The following SPINK5 variants were observed in gnomAD, a reference collection of about 807,000 sequenced individuals.
SPINK5 encodes the protein serine protease inhibitor Kazal-type 5.
Under a neutral mutation model 151.8 loss-of-function variants are expected in SPINK5, and 125 were observed. The observed-to-expected ratio is 0.82, with a 90% CI of 0.71 to 0.96. The LOEUF (loss-of-function observed/expected upper bound fraction) is 0.96, where lower values mean the gene tolerates loss of function less well. Ranked by LOEUF, SPINK5 falls within the 40% of genes least tolerant of loss-of-function variation. The pLI is 0.00. For synonymous variants in SPINK5, 374 were observed against 395.3 expected (o/e 0.95, Z 0.64); for missense variants, 1,194 against 1,291.9 (o/e 0.92, Z 1.16).
Position 148,091,164 on chromosome 5 carries a change from G to A in SPINK5, c.603-1G>A. On this transcript the variant is annotated splice_acceptor_variant, in intron 7 of 32. Coordinates refer to ENST00000256084, the MANE Select transcript of SPINK5 (RefSeq NM_006846.4). LOFTEE classifies it high-confidence loss of function. Reference sequence around the variant, plus strand: ...GACCAACTGTTTACTTTTCTTAACAGTTTAAAAGAAGCTGAAAATGCCAAG... The same window carrying A: ...GACCAACTGTTTACTTTTCTTAACAATTTAAAAGAAGCTGAAAATGCCAAG... 6.2e-7 allele frequency: 1 copy of A among 1,610,686 alleles called. No homozygotes were observed.
chr5:148,127,119 A>G (rs1458730034), intron 30 of SPINK5, 40 bp downstream of exon 30: 1 of 1,552,514 alleles, frequency 6.4e-7, no homozygotes, highest in Non-Finnish European at 8.8e-7. Flanking sequence ...TATCAATTTA[A>G]TTTTCTTGAT....
At chr5:148,128,343 T>C (rs1754486610) in intron 30 of SPINK5, among the ~76,000 whole-genome samples, 1 of 152,000 alleles carries the variant, frequency 6.6e-6, no homozygotes, top group South Asian at 2.1e-4. Flanking sequence ...AAATAAGATA[T>C]CATCAGCAGA....
chr5:148,123,990 ATAGT>A (rs1317189431), intron 27 of SPINK5, 30 bp downstream of exon 27: 1 of 1,612,902 alleles, frequency 6.2e-7, no homozygotes, highest in South Asian at 1.1e-5. Context: ...AATAAATTTG[ATAGT>A]TGTGCCTGTT....
chr5:148,131,528 T>C (rs763546636), intron 31 of SPINK5, 139 bp downstream of exon 31: 2 of 1,233,898 alleles, frequency 1.6e-6, no homozygotes, highest in African/African-American at 3.0e-5. Flanking sequence ...AATTCAAAAT[T>C]TGTGAATTAT....
chr5:148,081,528 T>C (rs1753019705), intron 4 of SPINK5, among the ~76,000 whole-genome samples: 1 of 151,680 alleles, frequency 6.6e-6, no homozygotes. Flanking sequence ...CAATTACATA[T>C]TTATAATTCC....
At chr5:148,077,531 A>G (rs899342728) in intron 4 of SPINK5, among the ~76,000 whole-genome samples, 2 of 150,822 alleles carry the variant, frequency 1.3e-5, no homozygotes, top group African/African-American at 2.4e-5. Context: ...ACCTACAGAC[A>G]GAAATGAAAA....
At chr5:148,112,767 G>A (rs1382426088) in intron 19 of SPINK5, 101 bp from the exon 20 acceptor site, 8 of 1,556,578 alleles carry the variant, frequency 5.1e-6, no homozygotes, top group Non-Finnish European at 6.1e-6. Flanking sequence ...GTTGGTGGAG[G>A]TATAGAAGTA....
In SPINK5 at chr5:148,114,467, T is replaced by C. The variant is rs777007426; in HGVS notation, c.1993T>C (p.Cys665Arg). The change falls in exon 21 of 33, where the codon TGT becomes CGT. Residue 665 changes from cysteine to arginine, a missense_variant. Physicochemically the swap from Cys to Arg is radical, Grantham distance 180. Coordinates refer to ENST00000256084, the MANE Select transcript of SPINK5 (RefSeq NM_006846.4). Reference sequence around the variant, plus strand: ...AGATGGCAAGACCCATGGCAACAAGTGTGCCATGTGTAAGGCAGTCTTGTG... The same window carrying C: ...AGATGGCAAGACCCATGGCAACAAGCGTGCCATGTGTAAGGCAGTCTTGTG... ...GPDGKTHGNK[C>R]AMCKAVFQKE... 1.2e-6 allele frequency: 2 copies of C among 1,613,592 alleles called. No homozygotes were observed. The highest frequency in any genetic ancestry group is 1.1e-5 in the South Asian group (1 of 91,052).
At chr5:148,115,851 C>T (rs6580522) in intron 21 of SPINK5, among the ~76,000 whole-genome samples, 69,051 of 148,718 alleles carry the variant, frequency 0.46, 16,778 homozygotes, top group Admixed American at 0.59. Context: ...TTATGGAGTC[C>T]CACTCTGTCG....
intron 11 of SPINK5, among the ~76,000 whole-genome samples, chr5:148,098,884 G>A (rs1753552460): frequency 6.6e-6 from 1 of 151,890 alleles, no homozygotes; most frequent in Non-Finnish European, 1.5e-5. Flanking sequence ...CTTTGTTAAG[G>A]CCACTTTCAG....
chr5:148,135,981 T>C (rs1754685521), intron 32 of SPINK5, among the ~76,000 whole-genome samples: 1 of 152,150 alleles, frequency 6.6e-6, no homozygotes, highest in Admixed American at 6.6e-5. Flanking sequence ...ACAATAGTCA[T>C]TTGATTAGGG....
At chr5:148,064,535 C>G (rs1387039715) in intron 1 of SPINK5, among the ~76,000 whole-genome samples, 2 of 152,018 alleles carry the variant, frequency 1.3e-5, no homozygotes, top group African/African-American at 4.8e-5. Flanking sequence ...TATTTTAAAG[C>G]AGTGGTATCT....
At chr5:148,082,448 T>G (rs1753044818) in intron 4 of SPINK5, among the ~76,000 whole-genome samples, 1 of 151,074 alleles carries the variant, frequency 6.6e-6, no homozygotes, top group Admixed American at 6.6e-5. Flanking sequence ...TATCTAATTT[T>G]CAAATATGTG....
At chr5:148,103,320 A>G (rs1753696787) in intron 15 of SPINK5, among the ~76,000 whole-genome samples, 1 of 152,234 alleles carries the variant, frequency 6.6e-6, no homozygotes, top group Non-Finnish European at 1.5e-5. Context: ...AGAACAGTTG[A>G]GAATGACGGA....
intron 32 of SPINK5, among the ~76,000 whole-genome samples, chr5:148,134,540 C>G (rs900801022): frequency 2.0e-5 from 3 of 152,110 alleles, no homozygotes; most frequent in Non-Finnish European, 4.4e-5. Flanking sequence ...CACATAAATA[C>G]TCTAAACCAA....
At chr5:148,128,560 G>A (rs1010578157) in intron 30 of SPINK5, among the ~76,000 whole-genome samples, 1 of 151,928 alleles carries the variant, frequency 6.6e-6, no homozygotes, top group Non-Finnish European at 1.5e-5. Context: ...AGGGAGTCTT[G>A]CTCTTTCGCC....
chr5:148,100,812 T>C (rs1312901410), intron 13 of SPINK5, among the ~76,000 whole-genome samples: 1 of 152,186 alleles, frequency 6.6e-6, no homozygotes, highest in African/African-American at 2.4e-5. Flanking sequence ...TCAAGTAGTT[T>C]TGTCTTTTAA....
intron 15 of SPINK5, 48 bp from the exon 16 acceptor site, chr5:148,104,902 GAA>G (rs34473560): frequency 1.6e-4 from 231 of 1,421,104 alleles, no homozygotes; most frequent in Admixed American, 7.8e-4. Flanking sequence ...TCTCAAAAAA[GAA>G]AAAAAAAAAT....
intron 17 of SPINK5, among the ~76,000 whole-genome samples, chr5:148,107,422 A>G (rs1027636105): frequency 6.6e-6 from 1 of 151,114 alleles, no homozygotes; most frequent in Non-Finnish European, 1.5e-5. Flanking sequence ...GATAATCTTC[A>G]TTTGTGAAAA....
Sources: allele counts gnomAD v4.1 joint callset (sites outside exome capture counted in the v4.1 genomes callset), GRCh38; gene constraint gnomAD v4.1.1; transcripts MANE v1.5; gene names NCBI Gene and HGNC (gene_info 2026-07-23, HGNC 2026-07-21).